BAZ1A: variants seen among roughly 807,000 people sequenced by gnomAD.
BAZ1A encodes bromodomain adjacent to zinc finger domain 1A.
A neutral mutation model predicts 185.2 loss-of-function variants in BAZ1A; 50 were observed. The observed-to-expected ratio is 0.27, with a 90% CI of 0.22 to 0.34. The LOEUF is 0.34. Ranked by LOEUF, BAZ1A falls within the 10% of genes least tolerant of loss-of-function variation. BAZ1A has a pLI of 1.00. For missense variants in BAZ1A, 1,356 were observed against 1,839.9 expected (o/e 0.74, Z 4.81); for synonymous variants, 571 against 615.6 (o/e 0.93, Z 1.07).
intron 3 of BAZ1A, among the ~76,000 whole-genome samples, chr14:34,850,544 T>G (rs1028466029): frequency 6.6e-6 from 1 of 152,250 alleles, no homozygotes; most frequent in Non-Finnish European, 1.5e-5. Context: ...TGGCAGTTAC[T>G]TTCCTATCCA....
At chr14:34,794,061 G>C (rs1881040284) in intron 11 of BAZ1A, among the ~76,000 whole-genome samples, 1 of 152,182 alleles carries the variant, frequency 6.6e-6, no homozygotes, top group South Asian at 2.1e-4. Context: ...GAACCCTGGA[G>C]GTGGAGCTTG....
intron 4 of BAZ1A, among the ~76,000 whole-genome samples, chr14:34,812,663 A>T (rs1384169224): frequency 6.6e-6 from 1 of 152,210 alleles, no homozygotes; most frequent in Non-Finnish European, 1.5e-5. Flanking sequence ...CTGTGAATGT[A>T]AAGAGGATGT....
chr14:34,842,811 T>G (rs1010702708), intron 3 of BAZ1A, among the ~76,000 whole-genome samples: 18 of 152,100 alleles, frequency 1.2e-4, no homozygotes, highest in African/African-American at 4.3e-4. Flanking sequence ...AAATTTTAAT[T>G]AATTAACATC....
chr14:34,825,992 A>C, intron 4 of BAZ1A, 21 bp downstream of exon 4: 6 of 1,508,612 alleles, frequency 4.0e-6, no homozygotes, highest in Non-Finnish European at 5.3e-6. Context: ...AATAATTTAA[A>C]AATTAATAAA....
Position 34,771,642 on chromosome 14 carries a change from GTTT to G in BAZ1A, c.3167_3169del (p.Lys1056del). The G allele has an allele frequency of 6.2e-7, 1 of 1,612,770 alleles. No homozygotes were observed. The highest frequency in any genetic ancestry group is 8.5e-7 in the Non-Finnish European group (1 of 1,179,644). On this transcript the variant is annotated inframe_deletion, in exon 21 of 27. Coordinates refer to ENST00000360310, the MANE Select transcript of BAZ1A (RefSeq NM_013448.3). ...TGTTGATACAGTACTTGGAGTTTCT[GTTT>G]TTATCCCCAAAAGTCTACAATTAAA... is the stretch of plus-strand genomic sequence containing the variant.
chr14:34,840,954 A>T (rs949723833), intron 3 of BAZ1A, among the ~76,000 whole-genome samples: 1 of 94,978 alleles, frequency 1.1e-5, no homozygotes, highest in African/African-American at 3.5e-5. Context: ...CAAAATCAAT[A>T]TTTTTTTTTT....
At chr14:34,808,431 G>A (rs1002752136) in intron 5 of BAZ1A, among the ~76,000 whole-genome samples, 6 of 152,096 alleles carry the variant, frequency 3.9e-5, no homozygotes, top group Non-Finnish European at 5.9e-5. Flanking sequence ...CTGGGAGGCC[G>A]AGGGTGCAGT....
At chr14:34,864,372 G>A (rs998126691) in intron 2 of BAZ1A, among the ~76,000 whole-genome samples, 1 of 152,040 alleles carries the variant, frequency 6.6e-6, no homozygotes, top group Non-Finnish European at 1.5e-5. Context: ...TTGAACTCCT[G>A]GCCTCAAACA....
At chr14:34,865,526 TG>T (rs1339643196) in intron 2 of BAZ1A, among the ~76,000 whole-genome samples, 3 of 152,168 alleles carry the variant, frequency 2.0e-5, no homozygotes, top group African/African-American at 7.2e-5. Context: ...CTCCAAAAAT[TG>T]GGGGCAATTC....
intron 2 of BAZ1A, 58 bp from the exon 3 acceptor site, chr14:34,862,380 A>G: frequency 1.3e-6 from 2 of 1,531,198 alleles, no homozygotes; most frequent in Middle Eastern, 1.8e-4. Flanking sequence ...CACAAATTTT[A>G]CATTAAAAAC....
At chr14:34,775,445 T>G (rs1879532673) in intron 18 of BAZ1A, among the ~76,000 whole-genome samples, 1 of 152,242 alleles carries the variant, frequency 6.6e-6, no homozygotes, top group Non-Finnish European at 1.5e-5. Flanking sequence ...CTTTTTCTTA[T>G]TTGTCATCAG....
At chr14:34,833,327 G>A (rs1594886657) in intron 3 of BAZ1A, among the ~76,000 whole-genome samples, 1 of 152,274 alleles carries the variant, frequency 6.6e-6, no homozygotes, top group East Asian at 1.9e-4. Flanking sequence ...AGGAGTTTGA[G>A]ACCAGCCTGA....
At chr14:34,865,972 G>C (rs1315045541) in intron 2 of BAZ1A, among the ~76,000 whole-genome samples, 2 of 151,534 alleles carry the variant, frequency 1.3e-5, no homozygotes, top group Admixed American at 1.3e-4. Flanking sequence ...AGGATCACTT[G>C]AAGCCAGGAG....
At chr14:34,758,396 A>G (rs1886363354) in intron 25 of BAZ1A, among the ~76,000 whole-genome samples, 1 of 151,980 alleles carries the variant, frequency 6.6e-6, no homozygotes. Flanking sequence ...CCTGACCAAC[A>G]TGTTGAAACC....
chr14:34,775,077 G>A (rs1879500829), intron 18 of BAZ1A, among the ~76,000 whole-genome samples: 1 of 152,034 alleles, frequency 6.6e-6, no homozygotes, highest in African/African-American at 2.4e-5. Flanking sequence ...TTAGCTGGGT[G>A]TGGTGGCGGG....
At chr14:34,825,692 C>G (rs2042156434) in intron 4 of BAZ1A, among the ~76,000 whole-genome samples, 1 of 152,034 alleles carries the variant, frequency 6.6e-6, no homozygotes, top group African/African-American at 2.4e-5. Flanking sequence ...AATCCCAGCA[C>G]TTTGAGGGGC....
intron 3 of BAZ1A, among the ~76,000 whole-genome samples, chr14:34,843,369 T>C (rs988391258): frequency 8.5e-5 from 13 of 152,206 alleles, no homozygotes; most frequent in Non-Finnish European, 1.8e-4. Flanking sequence ...TCTTGCACTT[T>C]GGGGCTTGCT....
At chr14:34,837,660 A>G (rs960941292) in intron 3 of BAZ1A, among the ~76,000 whole-genome samples, 3 of 152,194 alleles carry the variant, frequency 2.0e-5, no homozygotes, top group Non-Finnish European at 4.4e-5. Context: ...TTAGTATTCA[A>G]AAGTATCTTA....
intron 12 of BAZ1A, among the ~76,000 whole-genome samples, chr14:34,787,989 T>C (rs1443600050): frequency 6.6e-6 from 1 of 152,146 alleles, no homozygotes; most frequent in African/African-American, 2.4e-5. Flanking sequence ...TAATGTGCCA[T>C]TGAGACAAGT....
Sources: allele counts gnomAD v4.1 joint callset (sites outside exome capture counted in the v4.1 genomes callset), GRCh38; gene constraint gnomAD v4.1.1; transcripts MANE v1.5; gene names NCBI Gene and HGNC (gene_info 2026-07-23, HGNC 2026-07-21).